The following LINGO1 variants were observed in gnomAD, a reference collection of about 807,000 sequenced individuals.
LINGO1 encodes the protein leucine rich repeat and Ig domain containing 1.
In LINGO1, 11 loss-of-function variants were observed where a neutral mutation model predicts 37.3. The observed-to-expected ratio is 0.29, with a 90% CI of 0.19 to 0.49. The LOEUF (loss-of-function observed/expected upper bound fraction) is 0.49. LINGO1 is among the 20% of genes least tolerant of loss of function. The probability of loss-of-function intolerance (pLI) is 0.99; values close to 1 mark genes in which losing one functional copy is unlikely to be tolerated. For synonymous variants in LINGO1, 387 were observed against 403.0 expected (o/e 0.96, Z 0.48); for missense variants, 585 against 878.2 (o/e 0.67, Z 4.22).
intron 1 of LINGO1, among the ~76,000 whole-genome samples, chr15:77,752,039 G>A (rs376182060): frequency 6.6e-6 from 1 of 152,222 alleles, no homozygotes; most frequent in African/African-American, 2.4e-5. Flanking sequence ...CTTGCCCAAG[G>A]CCATGAGGCC....
At chr15:77,624,042 GGT>G (rs1358759559) in intron 1 of LINGO1, among the ~76,000 whole-genome samples, 1 of 148,952 alleles carries the variant, frequency 6.7e-6, no homozygotes, top group African/African-American at 2.5e-5. Flanking sequence ...GTGTGAGTGT[GGT>G]GTGTGTGTGA....
rs759895190 is a variant in LINGO1 at position 77,713,200 on chromosome 15, G to A, written c.-195+21792C>T. On this transcript the variant is annotated intron_variant, in intron 2 of 3. Coordinates refer to the LINGO1 transcript ENST00000561686. ...TGGGATTACAGGCACACACCACCAT[G>A]CCCAGCTAATTGTGTGTGTGTGTGT... 2.7e-4 allele frequency among the ~76,000 whole-genome samples: 38 copies of A among 140,996 alleles called. 1 individual carries two copies. The highest frequency in any genetic ancestry group is 7.6e-5 in the Non-Finnish European group (5 of 65,696). 92.5% of individuals were successfully genotyped at this position (140,996 alleles called of 152,430 possible).
At chr15:77,657,387 C>T (rs1370104087) in intron 3 of LINGO1, among the ~76,000 whole-genome samples, 2 of 152,128 alleles carry the variant, frequency 1.3e-5, no homozygotes, top group Non-Finnish European at 2.9e-5. Context: ...AAGGTTGGGA[C>T]CCACTCAGTG....
At chr15:77,693,426 G>A (rs2075638758) in intron 1 of LINGO1, among the ~76,000 whole-genome samples, 1 of 152,214 alleles carries the variant, frequency 6.6e-6, no homozygotes, top group Non-Finnish European at 1.5e-5. Flanking sequence ...TCAAGCTAGA[G>A]GAGCAAGGAA....
chr15:77,615,842 C>A lies in LINGO1; in HGVS notation c.65G>T (p.Cys22Phe). 1.3e-6 allele frequency: 2 copies of A among 1,508,634 alleles called. No homozygotes were observed. The highest frequency in any genetic ancestry group is 1.8e-6 in the Non-Finnish European group (2 of 1,136,478). 93.5% of individuals were successfully genotyped at this position (1,508,634 alleles called of 1,614,324 possible). A position where few individuals can be genotyped will look rare whatever the true frequency, so the allele number is the denominator to read the frequency against. The stretch of plus-strand genomic sequence containing the variant: ...CACCAGCAGGAGGATGGGCTGCCAG[C>A]AGGCCAGGAGGGGGCTGGGCATGCT... Reference protein sequence around the residue: ...VRSMPSPLLACWQPILLLVLG... With the variant: ...VRSMPSPLLAFWQPILLLVLG... The change falls in exon 2 of 2, where the codon TGC becomes TTC. Residue 22 changes from cysteine (C) to phenylalanine (F), a missense_variant. By Grantham distance (205) the Cys-to-Phe change is radical (BLOSUM62 -2). Transcript: ENST00000355300.
At chr15:77,764,557 A>G (rs537895703) in intron 1 of LINGO1, among the ~76,000 whole-genome samples, 1 of 152,330 alleles carries the variant, frequency 6.6e-6, no homozygotes, top group East Asian at 1.9e-4. Flanking sequence ...GCAGAAGAGG[A>G]GCGCTGAAGG....
intron 2 of LINGO1, among the ~76,000 whole-genome samples, chr15:77,685,351 C>T (rs2075489300): frequency 1.3e-5 from 2 of 152,222 alleles, no homozygotes; most frequent in South Asian, 4.2e-4. Context: ...GCTCCCTCAC[C>T]TGTGGACCAA....
intron 3 of LINGO1, chr15:77,649,007 T>C (rs1334947628): frequency 1.3e-5 from 2 of 152,240 alleles, no homozygotes; most frequent in Admixed American, 1.3e-4. Context: ...TGTACTATTG[T>C]GGGTTCTGGT....
chr15:77,765,330 G>A (rs1399874568), intron 1 of LINGO1, among the ~76,000 whole-genome samples: 2 of 151,662 alleles, frequency 1.3e-5, no homozygotes, highest in African/African-American at 2.4e-5. Context: ...CATGAGAATC[G>A]CTTGAACCCA....
rs1199011569 is a variant in LINGO1 at position 77,686,419 on chromosome 15, C to T, written c.-99+4301G>A. Among the ~76,000 whole-genome samples the T allele has an allele frequency of 2.0e-5, 3 of 152,242 alleles. No individual in the cohort carries two copies. The East Asian group carries it at 5.8e-4, about 29-fold the overall frequency. ...GCAAGTTCACCCTCAGCAATACCAG[C>T]ATGCAGGCCTGGGGGAAGGCAAGAC... On this transcript the variant is annotated intron_variant, in intron 2 of 3. Transcript: ENST00000559893.
chr15:77,704,761 A>G (rs2075828722), intron 2 of LINGO1, among the ~76,000 whole-genome samples: 1 of 152,112 alleles, frequency 6.6e-6, no homozygotes, highest in South Asian at 2.1e-4. Context: ...CACATTAAGC[A>G]ATGGTCACAC....
chr15:77,741,862 C>T (rs1407534303), intron 1 of LINGO1, among the ~76,000 whole-genome samples: 3 of 152,136 alleles, frequency 2.0e-5, no homozygotes, highest in South Asian at 2.1e-4. Context: ...CCTAGAATGT[C>T]GAAACACAAG....
At chr15:77,802,500 T>G (rs2076928236) in intron 1 of LINGO1, among the ~76,000 whole-genome samples, 1 of 152,076 alleles carries the variant, frequency 6.6e-6, no homozygotes, top group Admixed American at 6.5e-5. Context: ...GGTGGCAAAC[T>G]GCAGAGATCA....
rs550451052 is a variant in LINGO1, at chr15:77,727,069, T to C, written c.-195+7923A>G. Among the ~76,000 whole-genome samples, 15 of 152,284 alleles carry C rather than the reference T, an allele frequency of 9.9e-5. No homozygotes were observed. In the South Asian group the frequency reaches 2.9e-3, roughly 30 times the overall value. ...CCTCACCTCAGATAGGGATGGTCAC[T>C]ACGGAAAGAAAAATAAGTATTTGCA... is the stretch of plus-strand genomic sequence containing the variant. On this transcript the variant is annotated intron_variant, in intron 2 of 3. Transcript: ENST00000561686.
upstream of LINGO1, among the ~76,000 whole-genome samples, chr15:77,791,366 C>T (rs530939949): frequency 1.7e-4 from 23 of 133,528 alleles, no homozygotes; most frequent in South Asian, 3.7e-3. Context: ...CACGTGGACA[C>T]GCAAAGAGGC....
intron 1 of LINGO1, among the ~76,000 whole-genome samples, chr15:77,775,148 C>A (rs1165878834): frequency 6.6e-6 from 1 of 152,284 alleles, no homozygotes; most frequent in South Asian, 2.1e-4. Flanking sequence ...GCCTCCAACC[C>A]GCCCCTTTCT....
chr15:77,782,241 ACACACG>A (rs1329248710), intron 1 of LINGO1, among the ~76,000 whole-genome samples: 3 of 136,138 alleles, frequency 2.2e-5, no homozygotes, highest in Admixed American at 1.5e-4. Flanking sequence ...ACACACACAC[ACACACG>A]TGCCCGCATA....
intron 2 of LINGO1, among the ~76,000 whole-genome samples, chr15:77,686,151 C>G (rs796488076): frequency 2.0e-5 from 3 of 152,160 alleles, no homozygotes; most frequent in African/African-American, 7.2e-5. Context: ...CTGGGCTAGT[C>G]CCAAGCCCTA....
intron 2 of LINGO1, among the ~76,000 whole-genome samples, chr15:77,685,172 G>C (rs994915276): frequency 4.6e-5 from 7 of 151,734 alleles, no homozygotes; most frequent in African/African-American, 1.7e-4. Flanking sequence ...GGGTGGGTAT[G>C]CTAGAGGGCT....
Sources: gnomAD v4.1 joint callset for allele counts (sites outside exome capture counted in the v4.1 genomes callset) on GRCh38, gnomAD v4.1.1 for gene constraint, MANE v1.5 for transcripts, NCBI Gene and HGNC (gene_info 2026-07-23, HGNC 2026-07-21) for gene names.